Variants in CBFA2T2 observed in about 807,000 individuals in gnomAD.
The protein encoded by CBFA2T2 is CBFA2/RUNX1 partner transcriptional co-repressor 2.
A neutral mutation model predicts 62.2 loss-of-function variants in CBFA2T2; 11 were observed. That is an observed-to-expected ratio of 0.18 (90% confidence interval 0.11 to 0.29). The LOEUF is 0.29. CBFA2T2 is among the 10% of genes least tolerant of loss of function. The probability of loss-of-function intolerance (pLI) is 1.00; values close to 1 mark genes in which losing one functional copy is unlikely to be tolerated. For synonymous variants in CBFA2T2, 295 were observed against 287.5 expected (o/e 1.03, Z -0.27); for missense variants, 592 against 774.1 (o/e 0.76, Z 2.79).
At chr20:33,631,261 C>T (rs1172089235) in intron 8 of CBFA2T2, among the ~76,000 whole-genome samples, 1 of 152,202 alleles carries the variant, frequency 6.6e-6, no homozygotes, top group Non-Finnish European at 1.5e-5. Flanking sequence ...TTGCAGTGAG[C>T]CGAGATCGCG....
At chr20:33,627,669 A>C (rs1014038245) in intron 6 of CBFA2T2, among the ~76,000 whole-genome samples, 1 of 152,184 alleles carries the variant, frequency 6.6e-6, no homozygotes, top group African/African-American at 2.4e-5. Context: ...GATTTTACAA[A>C]TCATGAGGAA....
In CBFA2T2 at chr20:33,646,704, T is replaced by C. The variant is rs1244965382; in HGVS notation, c.*2058T>C. ...AACCCTGTCTCTAATAAAAAAAAAA[T>C]AGAAAAATCAGCCGGGTGTGGTGGC... On this transcript the variant is annotated 3_prime_UTR_variant, in exon 11 of 11. Coordinates refer to ENST00000342704, the MANE Select transcript of CBFA2T2 (RefSeq NM_001032999.3). 6.7e-6 allele frequency: 1 copy of C among 149,366 alleles called. No individual in the cohort carries two copies. The highest frequency in any genetic ancestry group is 1.5e-5 in the Non-Finnish European group (1 of 67,294). 9.3% of individuals were successfully genotyped at this position (149,366 alleles called of 1,614,324 possible).
At chr20:33,523,845 C>T (rs752651911) in intron 1 of CBFA2T2, among the ~76,000 whole-genome samples, 7 of 152,096 alleles carry the variant, frequency 4.6e-5, no homozygotes, top group Admixed American at 1.3e-4. Context: ...CCACCACTCC[C>T]GGCTAATTTT....
In CBFA2T2 at chr20:33,645,085, T is replaced by A. The variant is rs1409619108; in HGVS notation, c.*439T>A. The A allele has an allele frequency of 5.8e-6, 1 of 172,212 alleles. No individual in the cohort carries two copies. Among genetic ancestry groups the A allele is most frequent in the Non-Finnish European group, 1.2e-5 (1 of 80,812 alleles). The allele number at this position is 172,212 out of a possible 1,614,324, so 10.7% of individuals were successfully genotyped here. ...GCGGCCTGCCTCACCCCTGAATAGC[T>A]CCTTCGGCCCCATCTCCATCCTCAG... is the stretch of plus-strand genomic sequence containing the variant. On this transcript the variant is annotated 3_prime_UTR_variant, in exon 11 of 11. Coordinates refer to ENST00000342704, the MANE Select transcript of CBFA2T2 (RefSeq NM_001032999.3).
intron 1 of CBFA2T2, among the ~76,000 whole-genome samples, chr20:33,512,772 A>G (rs1182197662): frequency 9.1e-5 from 12 of 131,860 alleles, no homozygotes; most frequent in African/African-American, 3.2e-4. Context: ...TTTTTTGGAG[A>G]CGGAGTCTCA....
chr20:33,624,764 G>A lies in CBFA2T2; in HGVS notation c.693G>A (p.Arg231=). 3 of 1,614,024 alleles carry A rather than the reference G, an allele frequency of 1.9e-6. No homozygotes were observed. The highest frequency in any genetic ancestry group is 2.5e-6 in the Non-Finnish European group (3 of 1,179,958). ...HGNGKRPSPE[R]REENSFDRDT... Reference sequence around the variant, plus strand: ...ATACGCACTTCTGCTTCTTCTACAGGAGAGAAGAGAATAGTTTTGATAGAG... The same window carrying A: ...ATACGCACTTCTGCTTCTTCTACAGAAGAGAAGAGAATAGTTTTGATAGAG... The change falls in exon 6 of 11, where the codon AGG becomes AGA. Residue 231 remains arginine (R), a splice_region_variant and synonymous_variant. Transcript: ENST00000342704.
At chr20:33,500,149 G>A (rs2146846281) in intron 1 of CBFA2T2, among the ~76,000 whole-genome samples, 1 of 151,872 alleles carries the variant, frequency 6.6e-6, no homozygotes, top group South Asian at 2.1e-4. Flanking sequence ...GTAAAGACGG[G>A]GTTTCACCAT....
intron 5 of CBFA2T2, chr20:33,624,004 A>G: frequency 1.8e-6 from 1 of 566,524 alleles, no homozygotes; most frequent in South Asian, 2.5e-5. Context: ...AAGAAATACA[A>G]TCTGCCAAAT....
At chr20:33,550,019 T>C (rs746352991) in intron 1 of CBFA2T2, among the ~76,000 whole-genome samples, 16 of 152,290 alleles carry the variant, frequency 1.1e-4, no homozygotes, top group Non-Finnish European at 1.9e-4. Context: ...GTTCAATAAA[T>C]ACCTGTCTTA....
chr20:33,569,145 C>T (rs1032642438), intron 1 of CBFA2T2, among the ~76,000 whole-genome samples: 6 of 152,174 alleles, frequency 3.9e-5, no homozygotes, highest in Non-Finnish European at 5.9e-5. Context: ...TCAAGCAAAT[C>T]GTGGCCCAGT....
chr20:33,529,646 G>C (rs2011987563), intron 1 of CBFA2T2, among the ~76,000 whole-genome samples: 2 of 150,630 alleles, frequency 1.3e-5, no homozygotes, highest in South Asian at 4.2e-4. Flanking sequence ...GGCTGAGATG[G>C]GAGGATTGCT....
chr20:33,596,919 GTTTTT>G (rs59278499), intron 1 of CBFA2T2, among the ~76,000 whole-genome samples: 3 of 125,372 alleles, frequency 2.4e-5, no homozygotes, highest in Admixed American at 8.5e-5. Flanking sequence ...CTTGACCTCT[GTTTTT>G]TTTTTTTTTT....
At chr20:33,570,989 C>G (rs1311408756) in intron 1 of CBFA2T2, among the ~76,000 whole-genome samples, 1 of 152,208 alleles carries the variant, frequency 6.6e-6, no homozygotes, top group African/African-American at 2.4e-5. Flanking sequence ...ACTTACCTTT[C>G]CCCAGTCCTG....
At chr20:33,567,409 C>CT (rs1443222501) in intron 1 of CBFA2T2, among the ~76,000 whole-genome samples, 4 of 152,106 alleles carry the variant, frequency 2.6e-5, no homozygotes, top group Non-Finnish European at 1.5e-5. Flanking sequence ...GTAGTCTCCC[C>CT]TTAGTCGAAG....
At chr20:33,503,155 G>GT (rs924485996) in intron 1 of CBFA2T2, among the ~76,000 whole-genome samples, 1 of 143,430 alleles carries the variant, frequency 7.0e-6, no homozygotes, top group Non-Finnish European at 1.5e-5. Context: ...TTGGAATATT[G>GT]TTTTTTAGAA....
At chr20:33,598,942 A>G (rs1212389913) in intron 1 of CBFA2T2, among the ~76,000 whole-genome samples, 1 of 152,152 alleles carries the variant, frequency 6.6e-6, no homozygotes, top group Non-Finnish European at 1.5e-5. Context: ...CTTTTTAATC[A>G]GTTATAGCAG....
chr20:33,531,379 G>C (rs1458260166), intron 1 of CBFA2T2, among the ~76,000 whole-genome samples: 2 of 152,214 alleles, frequency 1.3e-5, no homozygotes, highest in Non-Finnish European at 2.9e-5. Flanking sequence ...CTGTCATTTA[G>C]GCCAGAATCC....
chr20:33,558,957 A>T (rs1208397659), intron 1 of CBFA2T2, among the ~76,000 whole-genome samples: 1 of 143,742 alleles, frequency 7.0e-6, no homozygotes, highest in African/African-American at 2.4e-5. Flanking sequence ...ATTGAACCCA[A>T]CACTTTTCTC....
At chr20:33,554,309 G>C (rs12481482) in intron 1 of CBFA2T2, among the ~76,000 whole-genome samples, 1 of 148,098 alleles carries the variant, frequency 6.8e-6, no homozygotes, top group Admixed American at 6.8e-5. Context: ...CTGGAGTGCA[G>C]AGGCATGATC....
Sources: gnomAD v4.1 joint callset for allele counts (sites outside exome capture counted in the v4.1 genomes callset) on GRCh38, gnomAD v4.1.1 for gene constraint, MANE v1.5 for transcripts, NCBI Gene and HGNC (gene_info 2026-07-23, HGNC 2026-07-21) for gene names.